The following LGR5 variants were observed in gnomAD, a reference collection of about 807,000 sequenced individuals.
The protein encoded by LGR5 is leucine-rich repeat-containing G protein-coupled receptor 5.
A neutral mutation model predicts 76.7 loss-of-function variants in LGR5; 54 were observed. The ratio of observed to expected loss-of-function variants is 0.70; its 90% confidence interval spans 0.57 to 0.88. LGR5 has a LOEUF of 0.88. LGR5 is among the 40% of genes least tolerant of loss of function. The pLI, the probability that LGR5 is intolerant of heterozygous loss-of-function variation, is 0.00. For synonymous variants in LGR5, 406 were observed against 421.9 expected (o/e 0.96, Z 0.46); for missense variants, 1,078 against 1,073.3 (o/e 1.00, Z -0.06).
chr12:71,489,008 A>G (rs557030644), intron 1 of LGR5, among the ~76,000 whole-genome samples: 14 of 152,348 alleles, frequency 9.2e-5, no homozygotes, highest in Admixed American at 8.5e-4. Flanking sequence ...CTGTTGTGAC[A>G]TCAGCTTTTC....
chr12:71,583,804 C>A lies in LGR5; in HGVS notation c.1794C>A (p.Val598=). 1 of 1,614,130 alleles carries A rather than the reference C, an allele frequency of 6.2e-7. No homozygotes were observed. The highest frequency in any genetic ancestry group is 8.5e-7 in the Non-Finnish European group (1 of 1,180,014). ...CCCCCATTAAACTGTTAATTGGGGT[C>A]ATCGCAGCAGTGAACATGCTCACGG... ...YISPIKLLIG[V]IAAVNMLTGV... is the part of the protein sequence containing the mutation. The change falls in exon 18 of 18, where the codon GTC becomes GTA. Residue 598 remains valine (V), a synonymous_variant. Transcript: ENST00000266674.
chr12:71,550,771 A>C (rs1354901225), intron 4 of LGR5, among the ~76,000 whole-genome samples: 2 of 152,088 alleles, frequency 1.3e-5, no homozygotes, highest in Non-Finnish European at 2.9e-5. Context: ...GCCACCACTC[A>C]TACTTTCAAT....
intron 1 of LGR5, among the ~76,000 whole-genome samples, chr12:71,455,132 C>T (rs1018540615): frequency 6.6e-6 from 1 of 152,046 alleles, no homozygotes; most frequent in Admixed American, 6.6e-5. Context: ...ATCACAATTT[C>T]TGAGGGAAGG....
At chr12:71,535,861 C>G (rs945708661) in intron 4 of LGR5, among the ~76,000 whole-genome samples, 1 of 152,136 alleles carries the variant, frequency 6.6e-6, no homozygotes, top group Non-Finnish European at 1.5e-5. Flanking sequence ...GAGTTTCCTA[C>G]CCCCCTACAC....
At chr12:71,506,915 A>C (rs577984237) in intron 2 of LGR5, among the ~76,000 whole-genome samples, 1 of 152,190 alleles carries the variant, frequency 6.6e-6, no homozygotes, top group Non-Finnish European at 1.5e-5. Flanking sequence ...TGTTTAAAAA[A>C]TATCCCTTTA....
intron 1 of LGR5, among the ~76,000 whole-genome samples, chr12:71,493,503 G>A (rs1874171109): frequency 6.6e-6 from 1 of 151,166 alleles, no homozygotes; most frequent in African/African-American, 2.5e-5. Flanking sequence ...CCAAACCTGG[G>A]TATTCTGAGG....
chr12:71,460,699 A>C (rs1164684137), intron 1 of LGR5, among the ~76,000 whole-genome samples: 1 of 152,158 alleles, frequency 6.6e-6, no homozygotes, highest in Non-Finnish European at 1.5e-5. Context: ...AGGCAGAATC[A>C]GACTGGGATT....
chr12:71,503,462 T>A (rs936369745), intron 1 of LGR5, among the ~76,000 whole-genome samples: 19 of 152,224 alleles, frequency 1.2e-4, no homozygotes, highest in Non-Finnish European at 2.2e-4. Flanking sequence ...AAATATTTTC[T>A]CTTCTTTGCA....
intron 2 of LGR5, among the ~76,000 whole-genome samples, chr12:71,514,410 C>G (rs1179154023): frequency 6.6e-6 from 1 of 151,908 alleles, no homozygotes; most frequent in African/African-American, 2.4e-5. Context: ...CTACTAAAAA[C>G]ATAAAAAATT....
chr12:71,529,086 T>C (rs1876165218), intron 3 of LGR5, among the ~76,000 whole-genome samples: 1 of 152,238 alleles, frequency 6.6e-6, no homozygotes, highest in East Asian at 1.9e-4. Context: ...TTCTCCACTA[T>C]GACGTTTGTA....
In LGR5 at chr12:71,440,168, T is replaced by A; in HGVS notation, c.88T>A (p.Leu30Met). ...TGGSSPRSGV[L>M]LRGCPTHCHC... ...GGGCAGCTCTCCCAGGTCTGGTGTG[T>A]TGCTGAGGGGCTGCCCCACACACTG... is the stretch of plus-strand genomic sequence containing the variant. Residue 30 changes from leucine (L) to methionine (M), a missense_variant, in exon 1 of 18, where the codon TTG (leucine) becomes ATG (methionine). Leu to Met is a conservative substitution (Grantham distance 15). Transcript: ENST00000266674. This position sits in a 1 kb window ranked among gnomAD's most constrained non-coding sequence, Gnocchi z 5.3. 6.2e-7 allele frequency: 1 copy of A among 1,611,616 alleles called. No individual in the cohort carries two copies. The highest frequency in any genetic ancestry group is 8.5e-7 in the Non-Finnish European group (1 of 1,179,678).
chr12:71,482,656 G>T (rs752943138), intron 1 of LGR5, among the ~76,000 whole-genome samples: 3 of 152,096 alleles, frequency 2.0e-5, no homozygotes, highest in Non-Finnish European at 4.4e-5. Flanking sequence ...AAGGAGGGTG[G>T]GTGTTACTGG....
At chr12:71,518,807 A>T (rs1300472363) in intron 2 of LGR5, among the ~76,000 whole-genome samples, 1 of 152,164 alleles carries the variant, frequency 6.6e-6, no homozygotes, top group African/African-American at 2.4e-5. Flanking sequence ...ATGGACACAT[A>T]GAGAAAAACA....
At chr12:71,464,310 AAGG>A (rs1423757417) in intron 1 of LGR5, among the ~76,000 whole-genome samples, 1 of 152,160 alleles carries the variant, frequency 6.6e-6, no homozygotes, top group Non-Finnish European at 1.5e-5. Flanking sequence ...AAGAGGAAGA[AAGG>A]AGGATAGGAG....
At chr12:71,515,781 T>C (rs1257741248) in intron 2 of LGR5, among the ~76,000 whole-genome samples, 2 of 152,202 alleles carry the variant, frequency 1.3e-5, no homozygotes, top group African/African-American at 4.8e-5. Flanking sequence ...CCAGCATGAA[T>C]TTACTAAGTA....
At chr12:71,463,056 T>C (rs1407053392) in intron 1 of LGR5, among the ~76,000 whole-genome samples, 2 of 152,194 alleles carry the variant, frequency 1.3e-5, no homozygotes, top group African/African-American at 2.4e-5. Flanking sequence ...AAATTTAGTA[T>C]TATGGTTTTA....
Position 71,468,014 on chromosome 12 carries a change from C to T in LGR5, c.212+27722C>T, listed in dbSNP as rs528128615. 2.0e-5 allele frequency among the ~76,000 whole-genome samples: 3 copies of T among 152,222 alleles called. No individual in the cohort carries two copies. The East Asian group carries it at 5.8e-4, about 29-fold the overall frequency. On this transcript the variant is annotated intron_variant, in intron 1 of 17. Coordinates refer to ENST00000266674, the MANE Select transcript of LGR5 (RefSeq NM_003667.4). ...GATAAGCAGATTGATTTTCACTAAA[C>T]ATTGTGAGAGTTTAAAAGGGTAATT...
intron 13 of LGR5, among the ~76,000 whole-genome samples, chr12:71,575,755 T>TGTGG (rs1555176210): frequency 1.8e-4 from 27 of 151,576 alleles, no homozygotes; most frequent in African/African-American, 6.5e-4. Flanking sequence ...TGTGTGTGTG[T>TGTGG]GTGTATCATT....
intron 17 of LGR5, 27 bp from the exon 18 acceptor site, chr12:71,583,616 TACTC>T (rs764311684): frequency 3.2e-6 from 5 of 1,573,016 alleles, no homozygotes; most frequent in Admixed American, 3.7e-5. Context: ...CCTAATTTGA[TACTC>T]AATCTTTGCC....
Sources: gnomAD v4.1 joint callset for allele counts (sites outside exome capture counted in the v4.1 genomes callset) on GRCh38, gnomAD v4.1.1 for gene constraint, Gnocchi (gnomAD v3.1) non-coding constraint, MANE v1.5 for transcripts, NCBI Gene and HGNC (gene_info 2026-07-23, HGNC 2026-07-21) for gene names.